Variants in NEDD4 observed in about 807,000 individuals in gnomAD.
NEDD4 encodes NEDD4 E3 ubiquitin protein ligase.
A neutral mutation model predicts 144.9 loss-of-function variants in NEDD4; 99 were observed. That is an observed-to-expected ratio of 0.68 (90% CI 0.58 to 0.81). The LOEUF is 0.81. Ranked by LOEUF, NEDD4 falls within the 30% of genes least tolerant of loss-of-function variation. The pLI, the probability that NEDD4 is intolerant of heterozygous loss-of-function variation, is 0.00. For synonymous variants in NEDD4, 318 were observed against 350.6 expected, an observed-to-expected ratio of 0.91 and a Z score of 1.04; for missense variants, 985 against 1,065.9, an observed-to-expected ratio of 0.92 and a Z score of 1.06.
chr15:55,980,307 T>C (rs1017640553), intron 1 of NEDD4, among the ~76,000 whole-genome samples: 11 of 152,200 alleles, frequency 7.2e-5, no homozygotes, highest in African/African-American at 2.2e-4. Flanking sequence ...TGACAAATTC[T>C]GGATTAACAA....
At chr15:55,840,832 C>T (rs1269882348) in intron 19 of NEDD4, 105 bp from the exon 20 acceptor site, 42 of 1,049,054 alleles carry the variant, frequency 4.0e-5, no homozygotes, top group African/African-American at 9.6e-5. Flanking sequence ...CTGTTAGAAC[C>T]ACATTCCTCC....
rs73416291 is a variant in NEDD4, at chr15:55,915,910, G to A, written c.291+8736C>T. 6,923 of 1,613,904 alleles carry A rather than the reference G, an allele frequency of 4.3e-3. 230 individuals are homozygous for A. In the African/African-American group the frequency reaches 0.078, roughly 18 times the overall value. On this transcript the variant is annotated intron_variant, in intron 5 of 28. Coordinates refer to ENST00000435532, the MANE Select transcript of NEDD4 (RefSeq NM_006154.4). ...TTAGCACTAGTGCCATCCTCATTATGTGCAATTTCACTAGGAGAAATAATA... is the reference window on the plus strand; with the variant it reads ...TTAGCACTAGTGCCATCCTCATTATATGCAATTTCACTAGGAGAAATAATA...
intron 4 of NEDD4, among the ~76,000 whole-genome samples, chr15:55,936,191 T>C (rs2036886238): frequency 1.3e-5 from 2 of 152,132 alleles, no homozygotes; most frequent in South Asian, 2.1e-4. Flanking sequence ...CTGTATTTAC[T>C]CTCCGGTATC....
At chr15:55,961,693 T>G (rs931945062) in intron 2 of NEDD4, among the ~76,000 whole-genome samples, 28 of 152,032 alleles carry the variant, frequency 1.8e-4, no homozygotes, top group African/African-American at 6.8e-4. Flanking sequence ...ATGGTCTCAA[T>G]CTCCTGACCT....
chr15:55,977,019 T>G (rs1421860740), intron 1 of NEDD4, among the ~76,000 whole-genome samples: 1 of 152,202 alleles, frequency 6.6e-6, no homozygotes, highest in Non-Finnish European at 1.5e-5. Context: ...TCTAAAATGA[T>G]TCCACTGGCA....
intron 12 of NEDD4, among the ~76,000 whole-genome samples, chr15:55,854,004 T>G (rs912552491): frequency 1.7e-4 from 26 of 151,746 alleles, no homozygotes; most frequent in African/African-American, 5.8e-4. Flanking sequence ...TAACAGAAAT[T>G]AGCTGGGCAT....
At chr15:55,957,829 G>C (rs1360252640) in intron 2 of NEDD4, among the ~76,000 whole-genome samples, 1 of 152,172 alleles carries the variant, frequency 6.6e-6, no homozygotes, top group Non-Finnish European at 1.5e-5. Flanking sequence ...GCAGGGACAT[G>C]GGTGAAGCTG....
intron 1 of NEDD4, among the ~76,000 whole-genome samples, chr15:55,971,671 GAGA>G (rs2037612662): frequency 1.3e-5 from 2 of 151,384 alleles, no homozygotes; most frequent in Admixed American, 1.3e-4. Flanking sequence ...GGTAGCAAGA[GAGA>G]TTGGGGTAAA....
chr15:55,835,636 C>G (rs574359742), intron 24 of NEDD4, among the ~76,000 whole-genome samples: 21 of 152,150 alleles, frequency 1.4e-4, no homozygotes, highest in Non-Finnish European at 2.9e-4. Context: ...CTTTAAGTCT[C>G]CCTTTTTGAA....
intron 1 of NEDD4, among the ~76,000 whole-genome samples, chr15:55,986,825 G>C (rs12439899): frequency 6.6e-6 from 1 of 151,162 alleles, no homozygotes; most frequent in Non-Finnish European, 1.5e-5. Context: ...TCAATCTCCC[G>C]ACCTCGTGAT....
At chr15:55,944,786 C>A (rs1004286308) in intron 4 of NEDD4, among the ~76,000 whole-genome samples, 1 of 152,012 alleles carries the variant, frequency 6.6e-6, no homozygotes, top group South Asian at 2.1e-4. Flanking sequence ...ACAAAGCTTC[C>A]AGAGGAAGGA....
intron 6 of NEDD4, among the ~76,000 whole-genome samples, chr15:55,872,678 T>G (rs1912407): frequency 6.6e-6 from 1 of 151,954 alleles, no homozygotes; most frequent in African/African-American, 2.4e-5. Flanking sequence ...ACAACTCAAA[T>G]GAAAACTAGC....
chr15:55,941,641 T>G (rs576888184), intron 4 of NEDD4, among the ~76,000 whole-genome samples: 31 of 151,968 alleles, frequency 2.0e-4, no homozygotes, highest in African/African-American at 7.5e-4. Context: ...TTCAGCTCAC[T>G]GCAACCTCCG....
intron 7 of NEDD4, among the ~76,000 whole-genome samples, chr15:55,870,381 T>C (rs187035935): frequency 5.3e-5 from 8 of 152,302 alleles, no homozygotes; most frequent in Admixed American, 4.6e-4. Flanking sequence ...CACATTAATT[T>C]ACCTAATCTA....
At chr15:55,836,882 C>T (rs2033229492) in intron 24 of NEDD4, among the ~76,000 whole-genome samples, 1 of 151,496 alleles carries the variant, frequency 6.6e-6, no homozygotes, top group African/African-American at 2.4e-5. Context: ...TGGTCTCGAA[C>T]TCCTGGGCTC....
At position 55,863,048 on chromosome 15, in the gene NEDD4, G is replaced by A; in HGVS notation, c.539C>T (p.Ala180Val). 3.1e-6 allele frequency: 5 copies of A among 1,601,048 alleles called. No homozygotes were observed. Among genetic ancestry groups the A allele is most frequent in the Non-Finnish European group, 4.3e-6 (5 of 1,171,446 alleles). ...TTGTTGTTGCTGCAAATGGCAAGCA[G>A]CATCTGGTTGGTCCAAAACAACCCA... is the stretch of plus-strand genomic sequence containing the variant. ...PGWVVLDQPD[A>V]ACHLQQQQEP... The change falls in exon 9 of 29, where the codon GCT becomes GTT. Residue 180 changes from alanine (A) to valine (V), a missense_variant. Coordinates refer to ENST00000435532, the MANE Select transcript of NEDD4 (RefSeq NM_006154.4).
chr15:55,846,535 C>T (rs2033752885), intron 18 of NEDD4, among the ~76,000 whole-genome samples: 1 of 152,112 alleles, frequency 6.6e-6, no homozygotes, highest in Non-Finnish European at 1.5e-5. Context: ...TATGCAGAGA[C>T]ATTACATTTG....
chr15:55,966,869 C>A (rs764595494), intron 1 of NEDD4, among the ~76,000 whole-genome samples: 2 of 152,016 alleles, frequency 1.3e-5, no homozygotes, highest in African/African-American at 4.8e-5. Context: ...TACACAAAAT[C>A]GAAAGTTCAT....
intron 9 of NEDD4, among the ~76,000 whole-genome samples, chr15:55,861,693 TA>T (rs1361194924): frequency 6.6e-6 from 1 of 151,958 alleles, no homozygotes; most frequent in Non-Finnish European, 1.5e-5. Flanking sequence ...AAATTAAAAT[TA>T]AAAAAAATCA....
Sources: gnomAD v4.1 joint callset for allele counts (sites outside exome capture counted in the v4.1 genomes callset) on GRCh38, gnomAD v4.1.1 for gene constraint, MANE v1.5 for transcripts, NCBI Gene and HGNC (gene_info 2026-07-23, HGNC 2026-07-21) for gene names.